CD2AP: variants seen among roughly 807,000 people sequenced by gnomAD.
The protein encoded by CD2AP is CD2-associated protein.
Under a neutral mutation model 85.1 loss-of-function variants are expected in CD2AP, and 46 were observed. The ratio of observed to expected loss-of-function variants is 0.54; its 90% CI spans 0.43 to 0.69. The LOEUF (loss-of-function observed/expected upper bound fraction) is 0.69, where lower values mean the gene tolerates loss of function less well. Among genes scored for constraint, CD2AP ranks in the 30% least tolerant of loss-of-function variants. The pLI is 0.00. For missense variants in CD2AP, 769 were observed against 729.5 expected, an observed-to-expected ratio of 1.05 and a Z score of -0.62; for synonymous variants, 255 against 252.9, an observed-to-expected ratio of 1.01 and a Z score of -0.08.
chr6:47,547,722 A>G (rs900428450), intron 4 of CD2AP, among the ~76,000 whole-genome samples: 1 of 152,184 alleles, frequency 6.6e-6, no homozygotes, highest in Non-Finnish European at 1.5e-5. Flanking sequence ...CACAGAATAT[A>G]CATTCTATTC....
At chr6:47,534,498 GGA>G (rs1295590466) in intron 3 of CD2AP, among the ~76,000 whole-genome samples, 3 of 152,136 alleles carry the variant, frequency 2.0e-5, no homozygotes, top group African/African-American at 7.2e-5. Flanking sequence ...CCTGAGGTCA[GGA>G]GTTCGAGACC....
chr6:47,533,503 AT>A (rs1766944296), intron 2 of CD2AP, 98 bp from the exon 3 acceptor site: 1 of 1,091,970 alleles, frequency 9.2e-7, no homozygotes, highest in African/African-American at 1.6e-5. Context: ...TATGATTTAT[AT>A]AGTAATTACT....
chr6:47,601,085 C>A (rs914449923), intron 13 of CD2AP, among the ~76,000 whole-genome samples: 1 of 151,198 alleles, frequency 6.6e-6, no homozygotes, highest in South Asian at 2.1e-4. Context: ...TTCTTTTTTT[C>A]GAAACTTTTC....
chr6:47,572,744 G>A (rs1768190956), intron 5 of CD2AP, among the ~76,000 whole-genome samples: 1 of 152,108 alleles, frequency 6.6e-6, no homozygotes, highest in South Asian at 2.1e-4. Flanking sequence ...ATATCCCTTT[G>A]TCCAAGTTTA....
intron 5 of CD2AP, among the ~76,000 whole-genome samples, chr6:47,568,936 G>C (rs1349086811): frequency 6.6e-6 from 1 of 152,152 alleles, no homozygotes; most frequent in African/African-American, 2.4e-5. Flanking sequence ...AAACCTATGA[G>C]AGTGTGGTAG....
At position 47,596,026 on chromosome 6, in the gene CD2AP, A is replaced by C; in HGVS notation, c.1274A>C (p.Lys425Thr). Residue 425 changes from lysine (K) to threonine (T), a missense_variant and splice_region_variant, in exon 12 of 18, where the codon AAG becomes ACG. Physicochemically the swap from Lys to Thr is moderately conservative, Grantham distance 78. Coordinates refer to ENST00000359314, the MANE Select transcript of CD2AP (RefSeq NM_012120.3). ...GTTCCTCCACCACCTCCTATAGCCA[A>C]GTAAGTTTTACCTAATTTTAAATTA... The part of the protein sequence containing the change: ...KPVPPPPPIA[K>T]INGEVSSISS... The C allele has an allele frequency of 6.2e-7, 1 of 1,610,082 alleles. No individual in the cohort carries two copies. The highest frequency in any genetic ancestry group is 1.1e-5 in the South Asian group (1 of 90,998).
At chr6:47,590,249 G>T (rs12204979) in intron 11 of CD2AP, among the ~76,000 whole-genome samples, 47,404 of 151,632 alleles carry the variant, frequency 0.31, 8,535 homozygotes, top group Middle Eastern at 0.51. Flanking sequence ...AAAAGATGGG[G>T]TTGATAATTT....
intron 2 of CD2AP, among the ~76,000 whole-genome samples, chr6:47,518,729 A>C (rs915361726): frequency 6.6e-6 from 1 of 152,242 alleles, no homozygotes; most frequent in South Asian, 2.1e-4. Flanking sequence ...GTCCCATTTC[A>C]CATTTCACAT....
chr6:47,602,744 C>T (rs78606586), intron 13 of CD2AP, among the ~76,000 whole-genome samples: 1 of 149,450 alleles, frequency 6.7e-6, no homozygotes, highest in Non-Finnish European at 1.5e-5. Context: ...AAAAAAAAAG[C>T]TGGGCATGAT....
chr6:47,607,938 C>T lies in CD2AP; in HGVS notation c.1542C>T (p.Ser514=). 1 of 1,611,552 alleles carries T rather than the reference C, an allele frequency of 6.2e-7. No individual in the cohort carries two copies. The highest frequency in any genetic ancestry group is 8.5e-7 in the Non-Finnish European group (1 of 1,178,336). The part of the protein sequence containing the change: ...RFNGGHSPTH[S]PEKILKLPKE... ...AAAAAATCATTTAGCCAACTCACAG[C>T]CCCGAAAAAATCTTGAAGTTACCAA... Residue 514 remains serine, a synonymous_variant, in exon 15 of 18, where the codon AGC becomes AGT. Coordinates refer to ENST00000359314, the MANE Select transcript of CD2AP (RefSeq NM_012120.3).
chr6:47,611,158 A>C (rs1769429288), intron 16 of CD2AP, among the ~76,000 whole-genome samples: 1 of 150,658 alleles, frequency 6.6e-6, no homozygotes, highest in African/African-American at 2.4e-5. Flanking sequence ...ACTACACAGC[A>C]TACAACAATA....
At position 47,607,992 on chromosome 6, in the gene CD2AP, A is replaced by G. The variant is rs775834580; in HGVS notation, c.1596A>G (p.Pro532=). ...AAGAAGACAGTGCCAACCTGAAGCCATCTGAATTAAAAAAAGATACATGCT... is the reference window on the plus strand; with the variant it reads ...AAGAAGACAGTGCCAACCTGAAGCCGTCTGAATTAAAAAAAGATACATGCT... ...PKEEDSANLK[P]SELKKDTCYS... Residue 532 remains proline (P), a synonymous_variant, in exon 15 of 18, where the codon CCA becomes CCG. Coordinates refer to ENST00000359314, the MANE Select transcript of CD2AP (RefSeq NM_012120.3). The G allele has an allele frequency of 2.5e-6, 4 of 1,612,880 alleles. No homozygotes were observed. In the Admixed American group the frequency reaches 6.7e-5, roughly 27 times the overall value.
At chr6:47,525,295 T>TA (rs1340905002) in intron 2 of CD2AP, among the ~76,000 whole-genome samples, 1 of 152,150 alleles carries the variant, frequency 6.6e-6, no homozygotes, top group African/African-American at 2.4e-5. Context: ...AAGTAGGAGA[T>TA]ACTAATTTTA....
chr6:47,554,057 C>T (rs985190643), intron 4 of CD2AP, among the ~76,000 whole-genome samples: 1 of 151,902 alleles, frequency 6.6e-6, no homozygotes, highest in African/African-American at 2.4e-5. Context: ...GGACTACAGG[C>T]GCGAACCACC....
At chr6:47,504,537 A>G (rs1322343088) in intron 2 of CD2AP, among the ~76,000 whole-genome samples, 2 of 152,210 alleles carry the variant, frequency 1.3e-5, no homozygotes, top group African/African-American at 2.4e-5. Flanking sequence ...ATATACTTTA[A>G]ATAGTCTCTA....
chr6:47,582,020 A>C lies in CD2AP; in HGVS notation c.1063A>C (p.Ile355Leu). The change falls in exon 11 of 18, where the codon ATA becomes CTA. Residue 355 changes from isoleucine to leucine, a missense_variant. Physicochemically the swap from Ile to Leu is conservative, Grantham distance 5. Transcript: ENST00000359314. ...TCCCATAGCTCCAAAGCCTGAACTG[A>C]TAGCTGCAGAGAAGAAATATTTTTC... is the stretch of plus-strand genomic sequence containing the variant. ...AKAPAPKPEL[I>L]AAEKKYFSLK... 1 of 1,608,544 alleles carries C rather than the reference A, an allele frequency of 6.2e-7. No individual in the cohort carries two copies. The highest frequency in any genetic ancestry group is 8.5e-7 in the Non-Finnish European group (1 of 1,175,150).
intron 13 of CD2AP, among the ~76,000 whole-genome samples, chr6:47,604,155 G>A (rs1428663993): frequency 6.6e-6 from 1 of 152,010 alleles, no homozygotes; most frequent in Non-Finnish European, 1.5e-5. Flanking sequence ...TAAGTGGCTG[G>A]CAGAGTGACA....
At chr6:47,584,854 T>G (rs1467359298) in intron 11 of CD2AP, among the ~76,000 whole-genome samples, 2 of 152,108 alleles carry the variant, frequency 1.3e-5, no homozygotes, top group Non-Finnish European at 2.9e-5. Context: ...CCAAGATATG[T>G]AGAACCACAT....
intron 13 of CD2AP, among the ~76,000 whole-genome samples, chr6:47,605,436 A>G (rs1769244339): frequency 6.6e-6 from 1 of 151,978 alleles, no homozygotes; most frequent in Non-Finnish European, 1.5e-5. Flanking sequence ...CCAAGTTACC[A>G]GGTCAGAGGT....
Sources: allele counts gnomAD v4.1 joint callset (sites outside exome capture counted in the v4.1 genomes callset), GRCh38; gene constraint gnomAD v4.1.1; transcripts MANE v1.5; gene names NCBI Gene and HGNC (gene_info 2026-07-23, HGNC 2026-07-21).